The following LRBA variants were observed in gnomAD, a reference collection of about 807,000 sequenced individuals.
LRBA encodes the protein LPS responsive beige-like anchor protein.
In LRBA, 176 loss-of-function variants were observed where a neutral mutation model predicts 330.0. The observed-to-expected ratio is 0.53, with a 90% CI of 0.47 to 0.60. The LOEUF (loss-of-function observed/expected upper bound fraction) is 0.60, where lower values mean the gene tolerates loss of function less well. Among genes scored for constraint, LRBA ranks in the 20% least tolerant of loss-of-function variants. LRBA has a pLI of 0.00. For missense variants in LRBA, 3,259 were observed against 3,444.8 expected (o/e 0.95, Z 1.35); for synonymous variants, 1,230 against 1,193.0 (o/e 1.03, Z -0.64).
rs202218980 is a variant in LRBA at position 150,850,820 on chromosome 4, A to G, written c.3908T>C (p.Val1303Ala). ...CCAGTTGAACTCAGGAATACGAAAC[A>G]CAGTAGATCTGGAATCCCTCCTTTG... is the stretch of plus-strand genomic sequence containing the variant. The part of the protein sequence containing the change: ...NGQRRDSRST[V>A]FRIPEFNWSQ... The change falls in exon 24 of 57, where the codon GTG becomes GCG. Residue 1303 changes from valine (V) to alanine (A), a missense_variant. Coordinates refer to ENST00000651943, the MANE Select transcript of LRBA (RefSeq NM_001364905.1). The G allele has an allele frequency of 1.9e-6, 3 of 1,613,912 alleles. No individual in the cohort carries two copies. The highest frequency in any genetic ancestry group is 2.2e-5 in the South Asian group (2 of 91,070).
intron 36 of LRBA, among the ~76,000 whole-genome samples, chr4:150,700,312 T>C (rs1184958576): frequency 1.3e-5 from 2 of 152,186 alleles, no homozygotes; most frequent in African/African-American, 4.8e-5. Flanking sequence ...CATACAAATA[T>C]GTACAGTATG....
intron 30 of LRBA, among the ~76,000 whole-genome samples, chr4:150,826,986 A>C (rs551450292): frequency 3.3e-5 from 5 of 152,346 alleles, no homozygotes; most frequent in South Asian, 2.1e-4. Flanking sequence ...TGACAGAACT[A>C]ATCAAGGAAA....
intron 46 of LRBA, among the ~76,000 whole-genome samples, chr4:150,418,971 T>C (rs560195840): frequency 1.2e-4 from 18 of 152,154 alleles, no homozygotes; most frequent in African/African-American, 2.2e-4. Context: ...ATTTTTTTTT[T>C]CCCCAGCCTG....
chr4:150,356,038 ATATG>A (rs1561059824), intron 47 of LRBA, among the ~76,000 whole-genome samples: 3 of 152,078 alleles, frequency 2.0e-5, no homozygotes, highest in African/African-American at 7.2e-5. Context: ...TAACATTGAT[ATATG>A]ACCTTTGTAA....
intron 47 of LRBA, among the ~76,000 whole-genome samples, chr4:150,386,580 C>T (rs2151899506): frequency 6.6e-6 from 1 of 152,178 alleles, no homozygotes; most frequent in East Asian, 1.9e-4. Flanking sequence ...ACCCATGTCC[C>T]TGCAAAAGAC....
chr4:150,673,002 T>C (rs950048860), intron 37 of LRBA, among the ~76,000 whole-genome samples: 2 of 152,188 alleles, frequency 1.3e-5, no homozygotes, highest in African/African-American at 4.8e-5. Flanking sequence ...TAGTCAGTCA[T>C]TCTCAAAATG....
intron 9 of LRBA, among the ~76,000 whole-genome samples, chr4:150,910,396 A>T (rs949973063): frequency 6.6e-6 from 1 of 152,154 alleles, no homozygotes; most frequent in African/African-American, 2.4e-5. Context: ...CTGGATATCC[A>T]GTTTTCCCAA....
intron 2 of LRBA, among the ~76,000 whole-genome samples, chr4:150,930,639 C>T (rs1734392556): frequency 6.6e-6 from 1 of 152,060 alleles, no homozygotes; most frequent in South Asian, 2.1e-4. Context: ...CAACATGTAT[C>T]CCAGGTTCTG....
At chr4:150,805,220 A>AAGG (rs1457337726) in intron 33 of LRBA, among the ~76,000 whole-genome samples, 2 of 3,542 alleles carry the variant, frequency 5.6e-4, no homozygotes, top group Non-Finnish European at 5.4e-3. Flanking sequence ...GGAAGGAAGG[A>AAGG]AAGGAAAGGA....
Position 150,915,524 on chromosome 4 carries a change from T to G in LRBA, c.1014+84A>C, listed in dbSNP as rs529285871. 12 of 1,247,288 alleles carry G rather than the reference T, an allele frequency of 9.6e-6. No homozygotes were observed. The East Asian group carries it at 2.7e-4, about 28-fold the overall frequency. 77.3% of individuals were successfully genotyped at this position (1,247,288 alleles called of 1,614,324 possible). On this transcript the variant is annotated intron_variant, in intron 8 of 56. Coordinates refer to ENST00000651943, the MANE Select transcript of LRBA (RefSeq NM_001364905.1). ...CCATTGTAATACTTTGAATTTTATA[T>G]TCAAGTTGTAAAACTTTTTCTTGTT...
chr4:150,331,465 A>C (rs1733989287), intron 48 of LRBA, among the ~76,000 whole-genome samples: 1 of 152,170 alleles, frequency 6.6e-6, no homozygotes, highest in African/African-American at 2.4e-5. Flanking sequence ...TTGTTATGGA[A>C]TAGGATAATG....
In LRBA at chr4:150,265,041, T is replaced by TTTG. The variant is rs1482161816; in HGVS notation, c.*678_*680dup. The TTTG allele has an allele frequency of 6.5e-6, 1 of 152,672 alleles. No individual in the cohort carries two copies. Among genetic ancestry groups the TTTG allele is most frequent in the Admixed American group, 6.5e-5 (1 of 15,278 alleles). The allele number at this position is 152,672 out of a possible 1,614,324, so 9.5% of individuals were successfully genotyped here. On this transcript the variant is annotated 3_prime_UTR_variant, in exon 57 of 57. Transcript: ENST00000651943. ...CTCAAGAGCATTTCCATCATTTCGT[T>TTTG]TTGTTGTGCTATGAAGATGACAGAT...
chr4:150,829,002 T>C (rs888414071), intron 29 of LRBA, among the ~76,000 whole-genome samples: 9 of 150,854 alleles, frequency 6.0e-5, no homozygotes, highest in African/African-American at 2.2e-4. Flanking sequence ...TGGTGTGACC[T>C]AGGCTCACTG....
intron 30 of LRBA, among the ~76,000 whole-genome samples, chr4:150,827,498 C>T (rs1746441296): frequency 6.6e-6 from 1 of 152,140 alleles, no homozygotes; most frequent in South Asian, 2.1e-4. Flanking sequence ...TCCTCCTCCT[C>T]AGCATACTCA....
At chr4:150,542,130 T>C (rs982845042) in intron 40 of LRBA, among the ~76,000 whole-genome samples, 2 of 152,204 alleles carry the variant, frequency 1.3e-5, no homozygotes, top group African/African-American at 2.4e-5. Context: ...CTTTTTACTT[T>C]TGAAATCAAT....
chr4:150,961,699 T>C lies in LRBA; in HGVS notation c.217-32634A>G, dbSNP rs115568281. Among the ~76,000 whole-genome samples, 52 of 137,854 alleles carry C rather than the reference T, an allele frequency of 3.8e-4. 9 individuals are homozygous for C. The highest frequency in any genetic ancestry group is 1.4e-3 in the African/African-American group (51 of 35,726). The allele number at this position is 137,854 out of a possible 152,430, so 90.4% of individuals were successfully genotyped here. A position where few individuals can be genotyped will look rare whatever the true frequency, so the allele number is the denominator to read the frequency against. ...AGAAGTGCAACAATGGGAAGCTAGC[T>C]CCATCAGAGATTAAAACATAATATG... On this transcript the variant is annotated intron_variant, in intron 2 of 56. Transcript: ENST00000651943.
chr4:150,933,595 T>C (rs145476563), intron 2 of LRBA, among the ~76,000 whole-genome samples: 8 of 152,226 alleles, frequency 5.3e-5, no homozygotes, highest in African/African-American at 1.7e-4. Flanking sequence ...TAAATATCGA[T>C]TGTCTCTGGA....
chr4:150,891,983 T>C (rs894562048), intron 17 of LRBA, among the ~76,000 whole-genome samples: 2 of 152,148 alleles, frequency 1.3e-5, no homozygotes, highest in African/African-American at 4.8e-5. Flanking sequence ...TCCCAGCTAC[T>C]CAGGAGACTG....
intron 46 of LRBA, chr4:150,422,891 G>A: frequency 1.1e-6 from 1 of 906,480 alleles, no homozygotes; most frequent in Non-Finnish European, 1.9e-6. Flanking sequence ...GAGGCACTCA[G>A]GACTGAACCA....
Sources: gnomAD v4.1 joint callset for allele counts (sites outside exome capture counted in the v4.1 genomes callset) on GRCh38, gnomAD v4.1.1 for gene constraint, MANE v1.5 for transcripts, NCBI Gene and HGNC (gene_info 2026-07-23, HGNC 2026-07-21) for gene names.